Variants in CTR9 observed in about 807,000 individuals in gnomAD.
CTR9 encodes the protein RNA polymerase-associated protein CTR9 homolog.
CTR9 carries 41 observed loss-of-function variants against 152.1 expected under a neutral mutation model. The ratio of observed to expected loss-of-function variants is 0.27; its 90% CI spans 0.21 to 0.35. The LOEUF (loss-of-function observed/expected upper bound fraction) is 0.35. Ranked by LOEUF, CTR9 falls within the 10% of genes least tolerant of loss-of-function variation. CTR9 has a pLI of 1.00. For synonymous variants in CTR9, 476 were observed against 496.2 expected (o/e 0.96, Z 0.54); for missense variants, 917 against 1,424.4 (o/e 0.64, Z 5.73).
rs74732143 is a variant in CTR9, at chr11:10,752,534, C to T, written c.46-138C>T. 1,825 of 619,488 alleles carry T rather than the reference C, an allele frequency of 2.9e-3. 29 individuals are homozygous for T. In the African/African-American group the frequency reaches 0.03, roughly 10 times the overall value. 38.4% of individuals were successfully genotyped at this position (619,488 alleles called of 1,614,324 possible). ...TCGTCATGTGCTCCTTAAACATTAACATGGATTAGCTCAACCGTATTGAAA... is the reference window on the plus strand; with the variant it reads ...TCGTCATGTGCTCCTTAAACATTAATATGGATTAGCTCAACCGTATTGAAA... On this transcript the variant is annotated intron_variant, in intron 1 of 24. Transcript: ENST00000361367.
In CTR9 at chr11:10,776,975, A is replaced by T. The variant is rs1033608749; in HGVS notation, c.3095+1342A>T. Among the ~76,000 whole-genome samples, 118 of 150,352 alleles carry T rather than the reference A, an allele frequency of 7.8e-4. 4 individuals carry two copies. Among genetic ancestry groups the T allele is most frequent in the African/African-American group, 2.8e-3 (114 of 41,108 alleles). ...GCAACAGAATGAGACTCTTGTGAAA[A>T]AAAAAAAAAAAAAAAAAAAAAGCTC... is the stretch of plus-strand genomic sequence containing the variant. On this transcript the variant is annotated intron_variant, in intron 24 of 24. Transcript: ENST00000361367.
At chr11:10,763,400 T>G (rs760337248) in intron 7 of CTR9, 31 bp from the exon 8 acceptor site, 65 of 1,438,190 alleles carry the variant, frequency 4.5e-5, no homozygotes, top group Non-Finnish European at 8.8e-6. Flanking sequence ...TCTTATGAAT[T>G]CACTCAGTTG....
At chr11:10,778,213 T>C (rs1322641563) in intron 24 of CTR9, among the ~76,000 whole-genome samples, 1 of 152,228 alleles carries the variant, frequency 6.6e-6, no homozygotes, top group Non-Finnish European at 1.5e-5. Flanking sequence ...CCGATGGCAA[T>C]AGGACAGGGA....
chr11:10,770,659 G>T, intron 18 of CTR9, 27 bp downstream of exon 18: 1 of 1,594,948 alleles, frequency 6.3e-7, no homozygotes, highest in South Asian at 1.1e-5. Flanking sequence ...AACAACCTAT[G>T]AAATGCTTTA....
In CTR9 at chr11:10,768,348, G is replaced by A; in HGVS notation, c.1966G>A (p.Val656Ile). 1 of 1,612,224 alleles carries A rather than the reference G, an allele frequency of 6.2e-7. No homozygotes were observed. Among genetic ancestry groups the A allele is most frequent in the South Asian group, 1.1e-5 (1 of 90,438 alleles). Residue 656 changes from valine (V) to isoleucine (I), a missense_variant, in exon 16 of 25, where the codon GTT becomes ATT. Transcript: ENST00000361367. ...GAACCTTTTTATATCTTTAGGAGCTGTTTTGGCCCACAAAGGATATTTTCG... is the reference window on the plus strand; with the variant it reads ...GAACCTTTTTATATCTTTAGGAGCTATTTTGGCCCACAAAGGATATTTTCG... Reference protein sequence around the residue: ...NLYAANGIGAVLAHKGYFREA... With the variant: ...NLYAANGIGAILAHKGYFREA...
intron 12 of CTR9, 89 bp from the exon 13 acceptor site, chr11:10,766,313 A>G: frequency 1.0e-6 from 1 of 977,282 alleles, no homozygotes; most frequent in Non-Finnish European, 1.6e-6. Context: ...GGTATTAATG[A>G]AAAAAAATTG....
In CTR9 at chr11:10,763,316, T is replaced by C. The variant is rs574349377; in HGVS notation, c.850-115T>C. The C allele has an allele frequency of 8.3e-5, 60 of 726,326 alleles. 1 individual carries two copies. The South Asian group carries it at 9.4e-4, about 11-fold the overall frequency. The allele number at this position is 726,326 out of a possible 1,614,324, so 45.0% of individuals were successfully genotyped here. ...TGTTATAGCACTGAAAGGCAACTAT[T>C]TATGAAGAAGATGGAAATGTATCTT... is the stretch of plus-strand genomic sequence containing the variant. On this transcript the variant is annotated intron_variant, in intron 7 of 24. Transcript: ENST00000361367.
At chr11:10,765,209 T>G (rs1444114940) in intron 12 of CTR9, among the ~76,000 whole-genome samples, 1 of 152,164 alleles carries the variant, frequency 6.6e-6, no homozygotes, top group East Asian at 1.9e-4. Context: ...CCTGGCATGG[T>G]GGCTCATGCC....
chr11:10,761,377 TACCAACCC>T (rs1335979656), intron 6 of CTR9, among the ~76,000 whole-genome samples: 1 of 1,736 alleles, frequency 5.8e-4, no homozygotes, highest in Admixed American at 6.9e-3. Context: ...AGCAGGATGT[TACCAACCC>T]AAATGGCTGT....
Position 10,778,737 on chromosome 11 carries a change from T to C in CTR9, c.3154T>C (p.Cys1052Arg), listed in dbSNP as rs35696189. 3,222 of 1,614,038 alleles carry C rather than the reference T, an allele frequency of 2.0e-3. 73 individuals are homozygous for C. In the African/African-American group the frequency reaches 0.038, roughly 19 times the overall value. The change falls in exon 25 of 25, where the codon TGT (cysteine) becomes CGT (arginine). Residue 1052 changes from cysteine to arginine, a missense_variant. Cys to Arg is a radical substitution (Grantham distance 180, BLOSUM62 -3). This residue lies in a region of CTR9 where 384 missense variants were observed against 398.4 expected (regional missense o/e 0.96). Transcript: ENST00000361367. ...AGACGAGGACGAACAACGAAAGAAA[T>C]GTGCCTCATCAGAGAGTGATTCCGA... is the stretch of plus-strand genomic sequence containing the variant. ...DSDEDEQRKK[C>R]ASSESDSDEN...
At position 10,772,562 on chromosome 11, in the gene CTR9, C is replaced by T. The variant is rs1330781565; in HGVS notation, c.2487C>T (p.Ala829=). The T allele has an allele frequency of 3.1e-6, 5 of 1,610,704 alleles. No homozygotes were observed. Among genetic ancestry groups the T allele is most frequent in the Non-Finnish European group, 4.2e-6 (5 of 1,178,450 alleles). Residue 829 remains alanine, a synonymous_variant, in exon 20 of 25, where the codon GCC becomes GCT. Coordinates refer to ENST00000361367, the MANE Select transcript of CTR9 (RefSeq NM_014633.5). ...TGAGCCAGGCCCAGTACCATGTGGC[C>T]CGGGCACGCAAACAAGATGAAGAAG... ...DLLSQAQYHV[A]RARKQDEEER...
In CTR9 at chr11:10,756,818, G is replaced by T; in HGVS notation, c.572G>T (p.Arg191Leu). ...CTTGCTTACTATAAGAAAGCATTGC[G>T]TACTAACCCAGGATGTCCAGGTAAG... The part of the protein sequence containing the change: ...GALAYYKKAL[R>L]TNPGCPAEVR... The change falls in exon 5 of 25, where the codon CGT (arginine) becomes CTT (leucine). Residue 191 changes from arginine (R) to leucine (L), a missense_variant. Around this residue, in one of 9 missense-constraint regions of CTR9, gnomAD observed 110 missense variants for 149.5 expected, o/e 0.74. Coordinates refer to ENST00000361367, the MANE Select transcript of CTR9 (RefSeq NM_014633.5). 6.2e-7 allele frequency: 1 copy of T among 1,612,334 alleles called. No homozygotes were observed. The highest frequency in any genetic ancestry group is 1.7e-5 in the Admixed American group (1 of 59,756).
chr11:10,764,140 A>G lies in CTR9; in HGVS notation c.1223A>G (p.Tyr408Cys). 6.2e-7 allele frequency: 1 copy of G among 1,614,190 alleles called. No individual in the cohort carries two copies. The highest frequency in any genetic ancestry group is 1.3e-5 in the African/African-American group (1 of 75,068). The change falls in exon 10 of 25, where the codon TAT (tyrosine) becomes TGT (cysteine). Residue 408 changes from tyrosine to cysteine, a missense_variant. Coordinates refer to ENST00000361367, the MANE Select transcript of CTR9 (RefSeq NM_014633.5). ...CATTTGAAGAAGGTCACAGAACAGT[A>G]TCCCGATGATGTTGAAGCTTGGATT... ...KGHLKKVTEQ[Y>C]PDDVEAWIEL...
At position 10,751,284 on chromosome 11, in the gene CTR9, C is replaced by T; in HGVS notation, c.-129C>T. 1 of 980,410 alleles carries T rather than the reference C, an allele frequency of 1.0e-6. No individual in the cohort carries two copies. The highest frequency in any genetic ancestry group is 1.6e-6 in the Non-Finnish European group (1 of 637,594). The allele number at this position is 980,410 out of a possible 1,614,324, so 60.7% of individuals were successfully genotyped here. ...CTGACGGGAAGGAGAAGCCAGAGCT[C>T]CAGCGGCGCCGCGGGGCGGCAGTCA... On this transcript the variant is annotated 5_prime_UTR_variant, in exon 1 of 25. Coordinates refer to ENST00000361367, the MANE Select transcript of CTR9 (RefSeq NM_014633.5).
At position 10,774,036 on chromosome 11, in the gene CTR9, G is replaced by T; in HGVS notation, c.2752G>T (p.Asp918Tyr). ...GRRSKKGGEF[D>Y]EFVNDDTDDD... The stretch of plus-strand genomic sequence containing the variant: ...GCGTTCTAAGAAGGGAGGAGAGTTT[G>T]ATGAATTTGTCAATGATGACACTGA... Residue 918 changes from aspartate to tyrosine, a missense_variant, in exon 22 of 25, where the codon GAT becomes TAT. This residue lies in a region of CTR9 where 384 missense variants were observed against 398.4 expected (regional missense o/e 0.96). Transcript: ENST00000361367. 2 of 1,612,538 alleles carry T rather than the reference G, an allele frequency of 1.2e-6. No homozygotes were observed. Among genetic ancestry groups the T allele is most frequent in the South Asian group, 2.2e-5 (2 of 90,658 alleles).
At chr11:10,758,344 A>T (rs568787137) in intron 5 of CTR9, among the ~76,000 whole-genome samples, 272 of 152,258 alleles carry the variant, frequency 1.8e-3, no homozygotes, top group Non-Finnish European at 1.0e-3. Flanking sequence ...GCATCTGCAG[A>T]CAGGCAGGTC....
intron 4 of CTR9, among the ~76,000 whole-genome samples, chr11:10,756,176 G>A (rs1323252412): frequency 6.6e-6 from 1 of 152,092 alleles, no homozygotes; most frequent in East Asian, 1.9e-4. Flanking sequence ...AGAGTAATTG[G>A]TTATACACTT....
intron 5 of CTR9, among the ~76,000 whole-genome samples, chr11:10,759,182 T>C (rs1862935545): frequency 6.6e-6 from 1 of 152,086 alleles, no homozygotes; most frequent in South Asian, 2.1e-4. Context: ...CACTCTGATA[T>C]TAAGAGATTA....
Position 10,764,613 on chromosome 11 carries a change from C to T in CTR9, c.1479C>T (p.Asn493=), listed in dbSNP as rs371311994. 7.3e-5 allele frequency: 117 copies of T among 1,613,330 alleles called. No individual in the cohort carries two copies. The highest frequency in any genetic ancestry group is 1.6e-4 in the Middle Eastern group (1 of 6,084). The change falls in exon 12 of 25, where the codon AAC becomes AAT. Residue 493 remains asparagine, a synonymous_variant. Transcript: ENST00000361367. The part of the protein sequence containing the change: ...AEAEHDEHYY[N]AISVTTSYNL... Reference sequence around the variant, plus strand: ...CGGAACACGATGAGCATTACTATAACGCCATTTCCGTTACCACGTCATATA... The same window carrying T: ...CGGAACACGATGAGCATTACTATAATGCCATTTCCGTTACCACGTCATATA...
Sources: allele counts gnomAD v4.1 joint callset (sites outside exome capture counted in the v4.1 genomes callset), GRCh38; gene constraint gnomAD v4.1.1; regional missense constraint gnomAD v4.1.1; transcripts MANE v1.5; gene names NCBI Gene and HGNC (gene_info 2026-07-23, HGNC 2026-07-21).